The following CEP162 variants were observed in gnomAD, a reference collection of about 807,000 sequenced individuals.
The protein encoded by CEP162 is centrosomal protein of 162 kDa.
A neutral mutation model predicts 169.2 loss-of-function variants in CEP162; 141 were observed. The ratio of observed to expected loss-of-function variants is 0.83; its 90% CI spans 0.73 to 0.96. CEP162 has a LOEUF of 0.96. Among genes scored for constraint, CEP162 ranks in the 40% least tolerant of loss-of-function variants. The pLI is 0.00. For missense variants in CEP162, 1,600 were observed against 1,587.2 expected (o/e 1.01, Z -0.14); for synonymous variants, 540 against 526.4 (o/e 1.03, Z -0.35).
intron 6 of CEP162, among the ~76,000 whole-genome samples, chr6:84,204,558 C>T (rs374501445): frequency 7.2e-5 from 11 of 152,304 alleles, no homozygotes; most frequent in Middle Eastern, 6.8e-3. Context: ...ATACCAGAAT[C>T]TCTGGGACAC....
intron 13 of CEP162, among the ~76,000 whole-genome samples, chr6:84,183,181 G>A (rs1242927059): frequency 6.6e-6 from 1 of 151,924 alleles, no homozygotes; most frequent in East Asian, 1.9e-4. Flanking sequence ...TGTCACAAAT[G>A]CTATACAATT....
chr6:84,211,682 G>A (rs2099549552), intron 6 of CEP162, among the ~76,000 whole-genome samples: 1 of 151,828 alleles, frequency 6.6e-6, no homozygotes, highest in South Asian at 2.1e-4. Flanking sequence ...AATAGTCTTA[G>A]TGACCCATAA....
chr6:84,137,064 A>G (rs1354312410), intron 25 of CEP162, among the ~76,000 whole-genome samples: 1 of 152,246 alleles, frequency 6.6e-6, no homozygotes, highest in Admixed American at 6.5e-5. Context: ...CTTGTGGAGC[A>G]TGCGGCATCT....
intron 18 of CEP162, among the ~76,000 whole-genome samples, 153 bp downstream of exon 18, chr6:84,169,175 T>C (rs1470008729): frequency 6.6e-6 from 1 of 152,218 alleles, no homozygotes; most frequent in Admixed American, 6.5e-5. Context: ...TATATGCTAA[T>C]TTAAGATATT....
intron 13 of CEP162, among the ~76,000 whole-genome samples, chr6:84,176,810 C>G (rs976341971): frequency 6.6e-6 from 1 of 152,054 alleles, no homozygotes; most frequent in South Asian, 2.1e-4. Context: ...TCTGCCAGTC[C>G]TTTTATGCCA....
At chr6:84,187,084 G>T (rs1376721342) in intron 11 of CEP162, among the ~76,000 whole-genome samples, 1 of 152,064 alleles carries the variant, frequency 6.6e-6, no homozygotes, top group Non-Finnish European at 1.5e-5. Context: ...GAGGCATAGA[G>T]TATAAATACT....
intron 17 of CEP162, among the ~76,000 whole-genome samples, chr6:84,170,490 GGA>G (rs2099529684): frequency 1.3e-5 from 2 of 148,928 alleles, no homozygotes; most frequent in African/African-American, 5.1e-5. Context: ...AGGAGAAAGA[GGA>G]TATATATATA....
chr6:84,213,698 G>C (rs972892294), intron 5 of CEP162, among the ~76,000 whole-genome samples: 2 of 152,156 alleles, frequency 1.3e-5, no homozygotes, highest in East Asian at 3.8e-4. Context: ...TCTGTACTTT[G>C]ACCGGCCTGT....
intron 1 of CEP162, among the ~76,000 whole-genome samples, chr6:84,226,820 T>C (rs1052306180): frequency 1.3e-5 from 2 of 152,210 alleles, no homozygotes; most frequent in African/African-American, 4.8e-5. Flanking sequence ...CAAAGGACTG[T>C]TTCTTTCTTG....
At chr6:84,170,373 C>CAAAAAAAAAAAAAA (rs57988482) in intron 17 of CEP162, among the ~76,000 whole-genome samples, 3 of 28,352 alleles carry the variant, frequency 1.1e-4, no homozygotes, top group African/African-American at 1.8e-4. Flanking sequence ...GACTCCGTCT[C>CAAAAAAAAAAAAAA]AAAAAAAAAA....
At chr6:84,167,768 A>G (rs1363378614) in intron 18 of CEP162, among the ~76,000 whole-genome samples, 1 of 152,198 alleles carries the variant, frequency 6.6e-6, no homozygotes, top group Non-Finnish European at 1.5e-5. Flanking sequence ...CAACCATTAA[A>G]GTATGTGCAG....
chr6:84,174,036 G>A lies in CEP162; in HGVS notation c.2166+12C>T. On this transcript the variant is annotated intron_variant, in intron 16 of 26. Coordinates refer to ENST00000403245, the MANE Select transcript of CEP162 (RefSeq NM_014895.4). ...AAGAGTAAATTTGCCATATGTTGAA[G>A]AATTGCCATACCTGTTGATATCCTT... 2 of 1,604,808 alleles carry A rather than the reference G, an allele frequency of 1.2e-6. No individual in the cohort carries two copies. The highest frequency in any genetic ancestry group is 1.1e-5 in the South Asian group (1 of 89,312).
chr6:84,146,961 T>A (rs548957370), intron 24 of CEP162, among the ~76,000 whole-genome samples, 176 bp from the exon 25 acceptor site: 74 of 152,194 alleles, frequency 4.9e-4, no homozygotes, highest in African/African-American at 1.7e-3. Flanking sequence ...AAAAATAGAA[T>A]TACCGTATTA....
chr6:84,199,235 G>A (rs147202743), intron 9 of CEP162, among the ~76,000 whole-genome samples: 125 of 152,220 alleles, frequency 8.2e-4, no homozygotes, highest in African/African-American at 2.6e-3. Flanking sequence ...CTCAGCACAT[G>A]CTTACATCAT....
chr6:84,159,547 A>ATTTTT (rs1166267578), intron 21 of CEP162, among the ~76,000 whole-genome samples: 2 of 31,952 alleles, frequency 6.3e-5, no homozygotes, highest in African/African-American at 1.4e-4. Context: ...ATATATATAT[A>ATTTTT]TTTTTTTTTT....
intron 6 of CEP162, among the ~76,000 whole-genome samples, chr6:84,206,094 T>C (rs1460543578): frequency 6.7e-6 from 1 of 149,128 alleles, no homozygotes; most frequent in Non-Finnish European, 1.5e-5. Flanking sequence ...GGAAGAACAT[T>C]CCATGCTCAT....
chr6:84,180,151 C>G (rs1456198624), intron 13 of CEP162, among the ~76,000 whole-genome samples: 1 of 152,144 alleles, frequency 6.6e-6, no homozygotes, highest in African/African-American at 2.4e-5. Context: ...CCACCATGAT[C>G]AGGTGGGCTT....
chr6:84,211,533 A>AG (rs1328616268), intron 6 of CEP162, among the ~76,000 whole-genome samples: 2 of 149,844 alleles, frequency 1.3e-5, no homozygotes, highest in Non-Finnish European at 3.0e-5. Flanking sequence ...TCTCAAAAAA[A>AG]AAAAAAAAAA....
At chr6:84,145,704 A>T (rs2099518557) in intron 25 of CEP162, among the ~76,000 whole-genome samples, 1 of 152,066 alleles carries the variant, frequency 6.6e-6, no homozygotes, top group Non-Finnish European at 1.5e-5. Context: ...CTTTTCCTGA[A>T]ATCTTAATAA....
Sources: allele counts gnomAD v4.1 joint callset (sites outside exome capture counted in the v4.1 genomes callset), GRCh38; gene constraint gnomAD v4.1.1; transcripts MANE v1.5; gene names NCBI Gene and HGNC (gene_info 2026-07-23, HGNC 2026-07-21).